The following SDC2 variants were observed in gnomAD, a reference collection of about 807,000 sequenced individuals.
SDC2 encodes syndecan 2.
In SDC2, 13 loss-of-function variants were observed where a neutral mutation model predicts 22.2. That is an observed-to-expected ratio of 0.59 (90% CI 0.38 to 0.93). The LOEUF (loss-of-function observed/expected upper bound fraction) is 0.93. SDC2 is among the 40% of genes least tolerant of loss of function. The probability of loss-of-function intolerance (pLI) is 0.00; values close to 1 mark genes in which losing one functional copy is unlikely to be tolerated. For missense variants in SDC2, 235 were observed against 246.8 expected (o/e 0.95, Z 0.32); for synonymous variants, 94 against 92.8 (o/e 1.01, Z -0.07).
At chr8:96,572,307 GT>G (rs1369710211) in intron 1 of SDC2, among the ~76,000 whole-genome samples, 2 of 152,178 alleles carry the variant, frequency 1.3e-5, no homozygotes, top group African/African-American at 4.8e-5. Flanking sequence ...CTTATGGAAA[GT>G]TTTTTTGGGC....
intron 1 of SDC2, among the ~76,000 whole-genome samples, chr8:96,534,226 C>G (rs554289879): frequency 6.6e-6 from 1 of 152,190 alleles, no homozygotes; most frequent in Non-Finnish European, 1.5e-5. Context: ...GGAGCTGGCC[C>G]CAGCCTCGGC....
intron 1 of SDC2, among the ~76,000 whole-genome samples, chr8:96,531,405 A>G (rs553094939): frequency 1.3e-5 from 2 of 152,204 alleles, no homozygotes; most frequent in African/African-American, 4.8e-5. Context: ...TTATAGATAT[A>G]TCTCTTTTGG....
chr8:96,519,207 A>G (rs1472332942), intron 1 of SDC2, among the ~76,000 whole-genome samples: 1 of 152,136 alleles, frequency 6.6e-6, no homozygotes, highest in Non-Finnish European at 1.5e-5. Flanking sequence ...GAGTGCCCAG[A>G]GTGCAGTGCT....
At chr8:96,604,093 A>G (rs1815038196) in intron 3 of SDC2, among the ~76,000 whole-genome samples, 1 of 152,194 alleles carries the variant, frequency 6.6e-6, no homozygotes, top group Non-Finnish European at 1.5e-5. Flanking sequence ...TCTCTTGACT[A>G]AATCTGCTGA....
chr8:96,522,443 C>T (rs549315953), intron 1 of SDC2, among the ~76,000 whole-genome samples: 1 of 151,292 alleles, frequency 6.6e-6, no homozygotes, highest in East Asian at 2.0e-4. Context: ...TTTTGTTGTT[C>T]TTCACTAAAG....
intron 1 of SDC2, among the ~76,000 whole-genome samples, chr8:96,588,874 T>C (rs927010835): frequency 2.6e-5 from 4 of 152,234 alleles, no homozygotes; most frequent in Non-Finnish European, 5.9e-5. Context: ...GGCTTTGAAT[T>C]TCTAAATAAC....
intron 1 of SDC2, among the ~76,000 whole-genome samples, chr8:96,496,188 T>G (rs763237143): frequency 2.0e-5 from 3 of 152,228 alleles, no homozygotes; most frequent in Non-Finnish European, 2.9e-5. Flanking sequence ...GTTTCTGTCT[T>G]CTGCTCCTCT....
chr8:96,543,859 A>G (rs190213663), intron 1 of SDC2, among the ~76,000 whole-genome samples: 8 of 152,366 alleles, frequency 5.3e-5, no homozygotes, highest in African/African-American at 1.4e-4. Flanking sequence ...TTTCAAAGTT[A>G]TCTGGCGGTA....
At chr8:96,507,494 G>A (rs1390044618) in intron 1 of SDC2, among the ~76,000 whole-genome samples, 1 of 152,160 alleles carries the variant, frequency 6.6e-6, no homozygotes, top group Non-Finnish European at 1.5e-5. Flanking sequence ...ACTTGCTGGT[G>A]AAACTTCAGG....
intron 1 of SDC2, among the ~76,000 whole-genome samples, chr8:96,536,306 CTTTTA>C (rs201449566): frequency 1.7e-4 from 26 of 151,764 alleles, no homozygotes; most frequent in African/African-American, 5.3e-4. Flanking sequence ...CTTGAGTACC[CTTTTA>C]TTTTATTTTA....
intron 1 of SDC2, among the ~76,000 whole-genome samples, chr8:96,545,975 GCA>G: frequency 6.6e-6 from 1 of 152,356 alleles, no homozygotes; most frequent in South Asian, 2.1e-4. Flanking sequence ...GGTGATGCGT[GCA>G]GCGAGGCAAC....
chr8:96,562,749 C>T (rs1447673512), intron 1 of SDC2, among the ~76,000 whole-genome samples: 1 of 152,154 alleles, frequency 6.6e-6, no homozygotes, highest in Non-Finnish European at 1.5e-5. Flanking sequence ...ATTAGCATTG[C>T]TTTCAAGCAG....
chr8:96,562,089 T>A (rs1257441934), intron 1 of SDC2, among the ~76,000 whole-genome samples: 1 of 152,088 alleles, frequency 6.6e-6, no homozygotes, highest in Non-Finnish European at 1.5e-5. Flanking sequence ...CATTTTGATT[T>A]CCCCCCCATT....
chr8:96,603,627 C>CAT (rs1387849982), intron 3 of SDC2, among the ~76,000 whole-genome samples: 2 of 152,146 alleles, frequency 1.3e-5, no homozygotes, highest in Non-Finnish European at 2.9e-5. Flanking sequence ...GGCCAGAATG[C>CAT]ATGTGGGCTT....
chr8:96,588,791 G>A (rs1056784508), intron 1 of SDC2, among the ~76,000 whole-genome samples: 1 of 152,200 alleles, frequency 6.6e-6, no homozygotes, highest in East Asian at 1.9e-4. Flanking sequence ...TTTGACCACT[G>A]TGTTGGTTGC....
chr8:96,532,160 T>C (rs184288393), intron 1 of SDC2, among the ~76,000 whole-genome samples: 25 of 152,280 alleles, frequency 1.6e-4, no homozygotes, highest in African/African-American at 5.8e-4. Flanking sequence ...CAACACCCAG[T>C]GCACACAGAA....
rs118024805 is a variant in SDC2 at position 96,541,461 on chromosome 8, C to T, written c.60+47130C>T. Among the ~76,000 whole-genome samples the T allele has an allele frequency of 2.8e-3, 402 of 142,510 alleles. 12 individuals are homozygous for T. The East Asian group carries it at 0.07, about 25-fold the overall frequency. 93.5% of individuals were successfully genotyped at this position (142,510 alleles called of 152,430 possible). A position where few individuals can be genotyped will look rare whatever the true frequency, so the allele number is the denominator to read the frequency against. On this transcript the variant is annotated intron_variant, in intron 1 of 4. Coordinates refer to ENST00000302190, the MANE Select transcript of SDC2 (RefSeq NM_002998.4). ...GGCGGAGGTTGCAGTGAGCCGAGAT[C>T]GCACCACAATACTCCAGCCCGGTGA...
intron 1 of SDC2, among the ~76,000 whole-genome samples, chr8:96,521,703 C>G (rs1335330889): frequency 6.6e-6 from 1 of 152,114 alleles, no homozygotes; most frequent in African/African-American, 2.4e-5. Context: ...CCTTGCTTTG[C>G]GGTTGTAACA....
At chr8:96,560,572 G>A (rs1439292307) in intron 1 of SDC2, among the ~76,000 whole-genome samples, 5 of 152,100 alleles carry the variant, frequency 3.3e-5, no homozygotes, top group African/African-American at 1.2e-4. Flanking sequence ...TAAGGCGATG[G>A]TTTTATTATG....
Sources: gnomAD v4.1 joint callset for allele counts (sites outside exome capture counted in the v4.1 genomes callset) on GRCh38, gnomAD v4.1.1 for gene constraint, MANE v1.5 for transcripts, NCBI Gene and HGNC (gene_info 2026-07-23, HGNC 2026-07-21) for gene names.